C2orf15: variants seen among roughly 807,000 people sequenced by gnomAD.
C2orf15 encodes uncharacterized protein C2orf15.
C2orf15 carries 3 observed loss-of-function variants against 4.4 expected under a neutral mutation model. That is an observed-to-expected ratio of 0.67 (90% CI 0.31 to 1.74). The LOEUF (loss-of-function observed/expected upper bound fraction) is 1.74, where lower values mean the gene tolerates loss of function less well. Among genes scored for constraint, C2orf15 ranks in the 40% most tolerant of loss-of-function variants. C2orf15 has a pLI of 0.09. For missense variants in C2orf15, 90 were observed against 103.3 expected, an observed-to-expected ratio of 0.87 and a Z score of 0.56; for synonymous variants, 37 against 36.8, an observed-to-expected ratio of 1.00 and a Z score of -0.02.
intron 2 of C2orf15, among the ~76,000 whole-genome samples, chr2:99,143,810 G>A (rs987941163): frequency 6.6e-6 from 1 of 151,990 alleles, no homozygotes; most frequent in African/African-American, 2.4e-5. Flanking sequence ...TTGCTCTCTC[G>A]TGACAGACAC....
intron 3 of C2orf15, among the ~76,000 whole-genome samples, chr2:99,147,943 C>T (rs113967851): frequency 1.7e-4 from 26 of 152,292 alleles, no homozygotes; most frequent in African/African-American, 5.5e-4. Flanking sequence ...GCATTTATCA[C>T]ATTGATCCAA....
At chr2:99,145,644 AT>A (rs1317136646) in intron 2 of C2orf15, among the ~76,000 whole-genome samples, 1 of 152,106 alleles carries the variant, frequency 6.6e-6, no homozygotes, top group Non-Finnish European at 1.5e-5. Context: ...GAGTCAGCTG[AT>A]TAGCAACCTT....
At chr2:99,143,309 T>C (rs1452456787) in intron 2 of C2orf15, among the ~76,000 whole-genome samples, 2 of 151,326 alleles carry the variant, frequency 1.3e-5, no homozygotes, top group African/African-American at 2.4e-5. Context: ...GCCCAGCTTT[T>C]TTTTTGTTTG....
At chr2:99,147,597 T>A (rs960413089) in intron 3 of C2orf15, 104 bp downstream of exon 3, 5 of 981,232 alleles carry the variant, frequency 5.1e-6, no homozygotes, top group Non-Finnish European at 7.8e-6. Context: ...ATGTTACCAT[T>A]CTTTTACGTT....
intron 2 of C2orf15, among the ~76,000 whole-genome samples, chr2:99,146,193 G>C (rs763017664): frequency 2.6e-5 from 4 of 152,196 alleles, no homozygotes; most frequent in Non-Finnish European, 5.9e-5. Context: ...CTCAGCAGGA[G>C]AATCATGTGA....
rs760377655 is a variant in C2orf15 at position 99,141,944 on chromosome 2, G to C, written c.-286+7G>C. The C allele has an allele frequency of 6.6e-6, 1 of 152,466 alleles. No individual in the cohort carries two copies. The highest frequency in any genetic ancestry group is 1.5e-5 in the Non-Finnish European group (1 of 68,230). The allele number at this position is 152,466 out of a possible 1,614,324, so 9.4% of individuals were successfully genotyped here. A position where few individuals can be genotyped will look rare whatever the true frequency, so the allele number is the denominator to read the frequency against. ...AGCGAGCCGGCCTGTCCCGGTGAGC[G>C]TGGGCAGCCTGGAGTCAGGGGAGCC... On this transcript the variant is annotated splice_region_variant and intron_variant, in intron 1 of 3. Coordinates refer to ENST00000650052, the MANE Select transcript of C2orf15 (RefSeq NM_144706.4).
intron 2 of C2orf15, among the ~76,000 whole-genome samples, chr2:99,143,755 G>A (rs1240368941): frequency 6.6e-6 from 1 of 152,136 alleles, no homozygotes; most frequent in African/African-American, 2.4e-5. Context: ...ATATGCATGA[G>A]CCACTGTGCC....
chr2:99,150,669 G>C lies in C2orf15; in HGVS notation c.111G>C (p.Ala37=). 1 of 1,613,966 alleles carries C rather than the reference G, an allele frequency of 6.2e-7. No homozygotes were observed. The highest frequency in any genetic ancestry group is 2.2e-5 in the East Asian group (1 of 44,856). The part of the protein sequence containing the change: ...RGTEKSRLEP[A]TQLFQNTKKI... ...CTGAAAAAAGCAGGTTGGAACCAGC[G>C]ACTCAGTTATTTCAAAACACCAAGA... Residue 37 remains alanine (A), a synonymous_variant, in exon 4 of 4, where the codon GCG becomes GCC. Coordinates refer to ENST00000650052, the MANE Select transcript of C2orf15 (RefSeq NM_144706.4).
At chr2:99,147,516 T>G (rs1411207801) in intron 3 of C2orf15, 23 bp downstream of exon 3, 1 of 1,609,222 alleles carries the variant, frequency 6.2e-7, no homozygotes, top group Non-Finnish European at 8.5e-7. Flanking sequence ...GGGCCAAGTC[T>G]ACCCTATTAT....
Position 99,150,971 on chromosome 2 carries a change from C to T in C2orf15, c.*137C>T. 1 of 552,094 alleles carries T rather than the reference C, an allele frequency of 1.8e-6. No homozygotes were observed. The highest frequency in any genetic ancestry group is 3.0e-5 in the East Asian group (1 of 33,394). 34.2% of individuals were successfully genotyped at this position (552,094 alleles called of 1,614,324 possible). A position where few individuals can be genotyped will look rare whatever the true frequency, so the allele number is the denominator to read the frequency against. Reference sequence around the variant, plus strand: ...GCCTTATTTTGCACTATTTGTGAATCATCTTACACTGCATTTTTTTATGAT... The same window carrying T: ...GCCTTATTTTGCACTATTTGTGAATTATCTTACACTGCATTTTTTTATGAT... On this transcript the variant is annotated 3_prime_UTR_variant, in exon 4 of 4. Coordinates refer to ENST00000650052, the MANE Select transcript of C2orf15 (RefSeq NM_144706.4).
intron 2 of C2orf15, among the ~76,000 whole-genome samples, chr2:99,143,406 G>A (rs879541787): frequency 2.0e-4 from 30 of 150,812 alleles, no homozygotes; most frequent in Non-Finnish European, 3.0e-4. Flanking sequence ...TGATCCACCC[G>A]CCTCAGCCTC....
chr2:99,147,300 C>T (rs1352944068), intron 2 of C2orf15, 102 bp from the exon 3 acceptor site: 8 of 615,618 alleles, frequency 1.3e-5, no homozygotes, highest in Admixed American at 1.1e-4. Context: ...TGTGCCCAGC[C>T]GCGTAGCCTA....
At chr2:99,148,841 T>G (rs1360320543) in intron 3 of C2orf15, among the ~76,000 whole-genome samples, 4 of 152,058 alleles carry the variant, frequency 2.6e-5, no homozygotes, top group Admixed American at 6.5e-5. Flanking sequence ...CTGTTTGGGA[T>G]GATTAAAAGT....
chr2:99,144,088 T>C (rs2093606272), intron 2 of C2orf15, among the ~76,000 whole-genome samples: 1 of 152,138 alleles, frequency 6.6e-6, no homozygotes. Flanking sequence ...TGGCGCGATC[T>C]CCGCTCACTG....
At chr2:99,149,951 C>T (rs1017427484) in intron 3 of C2orf15, among the ~76,000 whole-genome samples, 4 of 151,992 alleles carry the variant, frequency 2.6e-5, no homozygotes, top group African/African-American at 7.3e-5. Context: ...TGCCACCACA[C>T]CCAGCTAATT....
At chr2:99,145,227 C>G (rs1310626047) in intron 2 of C2orf15, among the ~76,000 whole-genome samples, 2 of 152,148 alleles carry the variant, frequency 1.3e-5, no homozygotes, top group Non-Finnish European at 2.9e-5. Context: ...CACATTGCAT[C>G]ATGGCTAACA....
At chr2:99,148,556 A>G (rs2093655481) in intron 3 of C2orf15, among the ~76,000 whole-genome samples, 1 of 152,248 alleles carries the variant, frequency 6.6e-6, no homozygotes, top group South Asian at 2.1e-4. Context: ...AAATATGGAT[A>G]AACAGGGTTT....
intron 3 of C2orf15, among the ~76,000 whole-genome samples, chr2:99,149,785 CTTTTTTTTTTTTT>C (rs70940143): frequency 8.9e-6 from 1 of 112,456 alleles, no homozygotes; most frequent in Admixed American, 1.0e-4. Context: ...TCACAAGTAT[CTTTTTTTTTTTTT>C]TTTTTTTTTT....
At chr2:99,146,731 C>A (rs1326157860) in intron 2 of C2orf15, among the ~76,000 whole-genome samples, 1 of 152,126 alleles carries the variant, frequency 6.6e-6, no homozygotes, top group East Asian at 1.9e-4. Context: ...TGGGTTCAAG[C>A]GATTCTCCTG....
Sources: gnomAD v4.1 joint callset for allele counts (sites outside exome capture counted in the v4.1 genomes callset) on GRCh38, gnomAD v4.1.1 for gene constraint, MANE v1.5 for transcripts, NCBI Gene and HGNC (gene_info 2026-07-23, HGNC 2026-07-21) for gene names.